The following TRIP4 variants were observed in gnomAD, a reference collection of about 807,000 sequenced individuals.
TRIP4 encodes thyroid hormone receptor interactor 4.
TRIP4 carries 54 observed loss-of-function variants against 81.8 expected under a neutral mutation model. That is an observed-to-expected ratio of 0.66 (90% CI 0.53 to 0.83). The LOEUF is 0.83. Among genes scored for constraint, TRIP4 ranks in the 40% least tolerant of loss-of-function variants. The pLI, the probability that TRIP4 is intolerant of heterozygous loss-of-function variation, is 0.00. For missense variants in TRIP4, 662 were observed against 683.6 expected (o/e 0.97, Z 0.35); for synonymous variants, 270 against 242.8 (o/e 1.11, Z -1.04).
At chr15:64,401,121 G>A (rs901874776) in intron 5 of TRIP4, among the ~76,000 whole-genome samples, 14 of 150,730 alleles carry the variant, frequency 9.3e-5, no homozygotes, top group African/African-American at 3.4e-4. Context: ...GCCACCACGC[G>A]TAGCTAATAT....
intron 8 of TRIP4, among the ~76,000 whole-genome samples, chr15:64,415,127 T>C (rs995787558): frequency 1.3e-5 from 2 of 150,970 alleles, no homozygotes; most frequent in Admixed American, 6.6e-5. Flanking sequence ...TTGAAAAATA[T>C]ATGTTTGGGA....
intron 11 of TRIP4, among the ~76,000 whole-genome samples, chr15:64,434,877 C>A (rs896380560): frequency 2.0e-5 from 3 of 152,070 alleles, no homozygotes; most frequent in African/African-American, 7.2e-5. Context: ...CTTGGTTTGT[C>A]ATCTAGTCTA....
intron 5 of TRIP4, among the ~76,000 whole-genome samples, chr15:64,401,516 C>T (rs1006700058): frequency 1.3e-5 from 2 of 152,148 alleles, no homozygotes; most frequent in African/African-American, 4.8e-5. Context: ...AAGTGATCTG[C>T]CTGCCTCGGC....
chr15:64,436,404 C>T lies in TRIP4; in HGVS notation c.1576-8602C>T, dbSNP rs147409508. Among the ~76,000 whole-genome samples, 70 of 152,024 alleles carry T rather than the reference C, an allele frequency of 4.6e-4. 2 individuals carry two copies. In the East Asian group the frequency reaches 0.013, roughly 29 times the overall value. On this transcript the variant is annotated intron_variant, in intron 11 of 12. Coordinates refer to ENST00000261884, the MANE Select transcript of TRIP4 (RefSeq NM_016213.5). Reference sequence around the variant, plus strand: ...GTCAGGAGTTCAAGACCAGCCTGGGCAGCATGGTGAAACCCTGTCTCTACT... The same window carrying T: ...GTCAGGAGTTCAAGACCAGCCTGGGTAGCATGGTGAAACCCTGTCTCTACT...
chr15:64,451,302 G>A (rs955443294), intron 12 of TRIP4, among the ~76,000 whole-genome samples: 3 of 151,370 alleles, frequency 2.0e-5, no homozygotes, highest in African/African-American at 4.9e-5. Context: ...TAGTAGAGAC[G>A]GGGTTTCGCC....
chr15:64,410,800 A>G (rs2140292919), intron 7 of TRIP4, among the ~76,000 whole-genome samples: 1 of 152,294 alleles, frequency 6.6e-6, no homozygotes. Flanking sequence ...CAGTCAAAGG[A>G]ACAATATCCA....
chr15:64,450,942 T>G (rs896956882), intron 12 of TRIP4: 1 of 228,076 alleles, frequency 4.4e-6, no homozygotes, highest in African/African-American at 2.2e-5. Context: ...AAATGATATG[T>G]CTTTTTTTCT....
rs1555409245 is a variant in TRIP4, at chr15:64,400,954, T to TG, written c.697+133_697+134insG. 293 of 728,854 alleles carry TG rather than the reference T, an allele frequency of 4.0e-4. 3 individuals are homozygous for TG. The highest frequency in any genetic ancestry group is 3.9e-4 in the Admixed American group (14 of 35,836). 45.1% of individuals were successfully genotyped at this position (728,854 alleles called of 1,614,324 possible). A position where few individuals can be genotyped will look rare whatever the true frequency, so the allele number is the denominator to read the frequency against. ...CATTCTCAGTTTTTTTGGGGGGTTT[T>TG]TTTTGTTTTGTTTTGTTTTGTTTTG... On this transcript the variant is annotated intron_variant, in intron 5 of 12. Transcript: ENST00000261884.
At chr15:64,429,052 T>C (rs896003861) in intron 11 of TRIP4, among the ~76,000 whole-genome samples, 6 of 151,898 alleles carry the variant, frequency 4.0e-5, no homozygotes, top group African/African-American at 1.5e-4. Context: ...TGGTGGCTCA[T>C]GCCTATAATC....
intron 2 of TRIP4, among the ~76,000 whole-genome samples, chr15:64,394,604 CAAAA>C (rs71133423): frequency 1.9e-5 from 1 of 53,128 alleles, no homozygotes. Flanking sequence ...GACTCCATCT[CAAAA>C]AAAAAAAAAA....
intron 9 of TRIP4, among the ~76,000 whole-genome samples, chr15:64,420,112 CTTCT>C (rs1015729450): frequency 3.3e-5 from 5 of 150,580 alleles, no homozygotes; most frequent in East Asian, 3.9e-4. Flanking sequence ...CTGTGCCTGG[CTTCT>C]TTCTTTCTTT....
chr15:64,407,709 T>C (rs1374603837), intron 6 of TRIP4, among the ~76,000 whole-genome samples: 1 of 152,064 alleles, frequency 6.6e-6, no homozygotes, highest in Non-Finnish European at 1.5e-5. Flanking sequence ...CACTTACTTT[T>C]TGATAAACAG....
intron 11 of TRIP4, among the ~76,000 whole-genome samples, chr15:64,438,292 G>T (rs1354580178): frequency 6.6e-6 from 1 of 152,164 alleles, no homozygotes; most frequent in Non-Finnish European, 1.5e-5. Context: ...GGACTTTGTT[G>T]GTTGAAGACC....
intron 12 of TRIP4, 182 bp downstream of exon 12, chr15:64,445,290 CTT>C: frequency 1.0e-5 from 4 of 389,594 alleles, no homozygotes; most frequent in East Asian, 4.2e-5. Flanking sequence ...CTTTTCTTTT[CTT>C]TTTTTTTGTC....
chr15:64,442,102 C>A (rs1339573669), intron 11 of TRIP4, among the ~76,000 whole-genome samples: 1 of 151,382 alleles, frequency 6.6e-6, no homozygotes, highest in African/African-American at 2.4e-5. Context: ...TGTCTATGGA[C>A]TTGTAGGTCA....
chr15:64,411,618 A>G (rs2140293307), intron 7 of TRIP4, among the ~76,000 whole-genome samples: 2 of 152,202 alleles, frequency 1.3e-5, no homozygotes, highest in South Asian at 4.1e-4. Flanking sequence ...AAAAAAGTCT[A>G]TTAACATAAA....
chr15:64,444,892 A>C, intron 11 of TRIP4, 114 bp from the exon 12 acceptor site: 1 of 621,138 alleles, frequency 1.6e-6, no homozygotes, highest in Non-Finnish European at 2.9e-6. Flanking sequence ...TTTACCTGTG[A>C]AATGGAAAGT....
At chr15:64,424,777 T>A (rs1165137881) in intron 10 of TRIP4, among the ~76,000 whole-genome samples, 1 of 152,158 alleles carries the variant, frequency 6.6e-6, no homozygotes, top group African/African-American at 2.4e-5. Context: ...AAAGCACTTT[T>A]CTTTTTTATT....
At chr15:64,393,151 A>ATTTTT in intron 1 of TRIP4, among the ~76,000 whole-genome samples, 1 of 130,720 alleles carries the variant, frequency 7.6e-6, no homozygotes, top group Non-Finnish European at 1.6e-5. Context: ...TTGTATGTTA[A>ATTTTT]TTTTTTTTTT....
Sources: gnomAD v4.1 joint callset for allele counts (sites outside exome capture counted in the v4.1 genomes callset) on GRCh38, gnomAD v4.1.1 for gene constraint, MANE v1.5 for transcripts, NCBI Gene and HGNC (gene_info 2026-07-23, HGNC 2026-07-21) for gene names.